The following NCOA1 variants were observed in gnomAD, a reference collection of about 807,000 sequenced individuals.
NCOA1 encodes nuclear receptor coactivator 1.
In NCOA1, 35 loss-of-function variants were observed where a neutral mutation model predicts 150.9. That is an observed-to-expected ratio of 0.23 (90% CI 0.18 to 0.31). The LOEUF (loss-of-function observed/expected upper bound fraction) is 0.31. NCOA1 is among the 10% of genes least tolerant of loss of function. The probability of loss-of-function intolerance (pLI) is 1.00; values close to 1 mark genes in which losing one functional copy is unlikely to be tolerated. For synonymous variants in NCOA1, 590 were observed against 630.0 expected, an observed-to-expected ratio of 0.94 and a Z score of 0.95; for missense variants, 1,491 against 1,749.3, an observed-to-expected ratio of 0.85 and a Z score of 2.63.
At chr2:24,587,994 C>T (rs546397097) in intron 3 of NCOA1, among the ~76,000 whole-genome samples, 154 of 152,308 alleles carry the variant, frequency 1.0e-3, no homozygotes, top group South Asian at 2.9e-3. Flanking sequence ...TTACAAAATA[C>T]TGTCTTACCC....
intron 1 of NCOA1, among the ~76,000 whole-genome samples, chr2:24,512,499 A>G (rs2148111261): frequency 6.6e-6 from 1 of 152,352 alleles, no homozygotes. Flanking sequence ...TAATGGCTAG[A>G]AAGTTTATTC....
chr2:24,749,917 GT>G (rs930287589), intron 19 of NCOA1, among the ~76,000 whole-genome samples: 42 of 152,202 alleles, frequency 2.8e-4, no homozygotes, highest in African/African-American at 9.1e-4. Flanking sequence ...TATAAATTCT[GT>G]TTGTTCAAGA....
At chr2:24,683,382 G>A (rs1166285995) in intron 8 of NCOA1, among the ~76,000 whole-genome samples, 2 of 151,972 alleles carry the variant, frequency 1.3e-5, no homozygotes, top group African/African-American at 4.8e-5. Flanking sequence ...TTTTGATTAT[G>A]TTCAAGAAAG....
Position 24,707,072 on chromosome 2 carries a change from A to G in NCOA1, c.1602A>G (p.Ser534=), listed in dbSNP as rs1673483606. ...GTAATAATAATAACCGATCTTATTC[A>G]AACATCCCAGTAACATCTTTACAGG... The part of the protein sequence containing the change: ...SACNNNNRSY[S]NIPVTSLQGM... The change falls in exon 13 of 23, where the codon TCA becomes TCG. Residue 534 remains serine, a synonymous_variant. Transcript: ENST00000348332. 1.2e-6 allele frequency: 2 copies of G among 1,614,216 alleles called. No individual in the cohort carries two copies. The highest frequency in any genetic ancestry group is 1.7e-6 in the Non-Finnish European group (2 of 1,180,034).
In NCOA1 at chr2:24,705,236, A is replaced by G; in HGVS notation, c.1097+3A>G. On this transcript the variant is annotated splice_donor_region_variant and intron_variant, in intron 12 of 22. Coordinates refer to ENST00000348332, the MANE Select transcript of NCOA1 (RefSeq NM_003743.5). ...ATGGGAATTCATATCATCGACAGGTACTACTTATTTGGAGAGCTTCATATG... is the reference window on the plus strand; with the variant it reads ...ATGGGAATTCATATCATCGACAGGTGCTACTTATTTGGAGAGCTTCATATG... 6.2e-7 allele frequency: 1 copy of G among 1,613,632 alleles called. No homozygotes were observed. The highest frequency in any genetic ancestry group is 8.5e-7 in the Non-Finnish European group (1 of 1,179,546).
chr2:24,568,605 AAGAC>A (rs1553430045), intron 2 of NCOA1, among the ~76,000 whole-genome samples: 1 of 152,260 alleles, frequency 6.6e-6, no homozygotes, highest in Non-Finnish European at 1.5e-5. Context: ...TGTTGTTGCT[AAGAC>A]AGAGAGGTCC....
chr2:24,627,121 G>GTTTTTTTT (rs33949925), intron 3 of NCOA1, among the ~76,000 whole-genome samples: 16 of 115,158 alleles, frequency 1.4e-4, no homozygotes, highest in Non-Finnish European at 1.4e-4. Context: ...GTTTTTTGCT[G>GTTTTTTTT]TTTTTTTTTT....
intron 4 of NCOA1, among the ~76,000 whole-genome samples, chr2:24,656,932 T>A (rs1016480946): frequency 3.9e-5 from 6 of 152,244 alleles, no homozygotes; most frequent in Admixed American, 2.0e-4. Flanking sequence ...AATATTGGAG[T>A]GCACATATCT....
chr2:24,551,094 CAAA>C (rs767086071), intron 1 of NCOA1, among the ~76,000 whole-genome samples: 7 of 69,342 alleles, frequency 1.0e-4, no homozygotes, highest in African/African-American at 5.4e-5. Flanking sequence ...GACTTTGTCT[CAAA>C]AAAAAAAAAA....
intron 1 of NCOA1, among the ~76,000 whole-genome samples, chr2:24,500,275 A>G (rs1012999720): frequency 6.6e-6 from 1 of 151,752 alleles, no homozygotes; most frequent in Non-Finnish European, 1.5e-5. Flanking sequence ...TGCCTGGCTA[A>G]TTTTGTATTT....
intron 19 of NCOA1, among the ~76,000 whole-genome samples, chr2:24,748,508 G>T (rs1664055241): frequency 6.6e-6 from 1 of 151,686 alleles, no homozygotes. Context: ...TACTCGGGAG[G>T]CTGAGACAGG....
chr2:24,538,783 T>C (rs1281914580), intron 1 of NCOA1, among the ~76,000 whole-genome samples: 1 of 152,144 alleles, frequency 6.6e-6, no homozygotes, highest in Non-Finnish European at 1.5e-5. Context: ...TCAGATTCTT[T>C]TAGGTTCTGG....
chr2:24,671,510 A>G (rs539839808), intron 6 of NCOA1, among the ~76,000 whole-genome samples: 147 of 152,294 alleles, frequency 9.7e-4, no homozygotes, highest in African/African-American at 3.5e-3. Flanking sequence ...AAATAAAACA[A>G]GCAAAATTTA....
intron 14 of NCOA1, among the ~76,000 whole-genome samples, chr2:24,719,781 C>T (rs1674266184): frequency 6.6e-6 from 1 of 152,030 alleles, no homozygotes; most frequent in Non-Finnish European, 1.5e-5. Flanking sequence ...GAAAGGAGGC[C>T]TCCAGAGAAG....
chr2:24,640,657 A>G (rs1670173002), intron 3 of NCOA1, among the ~76,000 whole-genome samples: 1 of 152,132 alleles, frequency 6.6e-6, no homozygotes, highest in African/African-American at 2.4e-5. Context: ...AATTTCTTTA[A>G]AATTCTGATT....
chr2:24,673,571 T>A, intron 7 of NCOA1, 108 bp downstream of exon 7: 1 of 609,340 alleles, frequency 1.6e-6, no homozygotes, highest in Non-Finnish European at 2.8e-6. Context: ...TAAAACAAAG[T>A]AAAGAACTTT....
At chr2:24,607,566 T>C (rs1668427846) in intron 3 of NCOA1, among the ~76,000 whole-genome samples, 1 of 151,480 alleles carries the variant, frequency 6.6e-6, no homozygotes, top group African/African-American at 2.4e-5. Context: ...GGCGGGTGCC[T>C]GTAGTCCCAG....
chr2:24,676,881 A>G (rs1405629441), intron 7 of NCOA1, among the ~76,000 whole-genome samples: 3 of 152,234 alleles, frequency 2.0e-5, no homozygotes, highest in South Asian at 4.1e-4. Flanking sequence ...GGAATCTCAG[A>G]GCTCGAAGAC....
At chr2:24,644,867 G>A (rs982934674) in intron 4 of NCOA1, among the ~76,000 whole-genome samples, 2 of 151,934 alleles carry the variant, frequency 1.3e-5, no homozygotes, top group South Asian at 2.1e-4. Flanking sequence ...TGTAAACATC[G>A]CCTGGGTTAA....
Sources: allele counts gnomAD v4.1 joint callset (sites outside exome capture counted in the v4.1 genomes callset), GRCh38; gene constraint gnomAD v4.1.1; transcripts MANE v1.5; gene names NCBI Gene and HGNC (gene_info 2026-07-23, HGNC 2026-07-21).